SDK1: variants seen among roughly 807,000 people sequenced by gnomAD.
The protein encoded by SDK1 is sidekick cell adhesion molecule 1.
Under a neutral mutation model 245.5 loss-of-function variants are expected in SDK1, and 157 were observed. That is an observed-to-expected ratio of 0.64 (90% confidence interval 0.56 to 0.73). SDK1 has a LOEUF of 0.73. Ranked by LOEUF, SDK1 falls within the 30% of genes least tolerant of loss-of-function variation. The pLI, the probability that SDK1 is intolerant of heterozygous loss-of-function variation, is 0.00. For missense variants in SDK1, 3,583 were observed against 3,002.3 expected (o/e 1.19, Z -4.52); for synonymous variants, 1,647 against 1,278.5 (o/e 1.29, Z -6.15).
At chr7:4,145,145 C>T (rs1779872387) in intron 28 of SDK1, among the ~76,000 whole-genome samples, 1 of 152,124 alleles carries the variant, frequency 6.6e-6, no homozygotes, top group South Asian at 2.1e-4. Flanking sequence ...CAGAGCTGCC[C>T]TGGCGGAGCT....
chr7:3,672,688 A>G (rs912266024), intron 4 of SDK1, among the ~76,000 whole-genome samples: 1 of 137,806 alleles, frequency 7.3e-6, no homozygotes, highest in African/African-American at 2.7e-5. Flanking sequence ...TTATTAAATA[A>G]AATTTATATT....
chr7:3,780,949 A>G (rs1780714997), intron 4 of SDK1, among the ~76,000 whole-genome samples: 1 of 152,200 alleles, frequency 6.6e-6, no homozygotes, highest in East Asian at 1.9e-4. Context: ...TCAGCCCAAA[A>G]GCCCACCCAG....
rs1461952682 is a variant in SDK1, at chr7:3,491,395, G to A, written c.299-127685G>A. On this transcript the variant is annotated intron_variant, in intron 1 of 44. Transcript: ENST00000404826. ...TTTGCAAAGTTCCCAAACGATGTCA[G>A]TGTTTAGCCAAATATGAGACCCACT... Among the ~76,000 whole-genome samples, 7 of 152,254 alleles carry A rather than the reference G, an allele frequency of 4.6e-5. No individual in the cohort carries two copies. In the East Asian group the frequency reaches 5.8e-4, roughly 13 times the overall value.
intron 7 of SDK1, 73 bp downstream of exon 7, chr7:3,951,993 A>C: frequency 7.3e-7 from 1 of 1,375,102 alleles, no homozygotes; most frequent in South Asian, 1.3e-5. Context: ...CTGCAGAAAC[A>C]AAATAGCGTA....
At chr7:4,132,128 CTCAAGA>C (rs1302303548) in intron 27 of SDK1, among the ~76,000 whole-genome samples, 191 bp from the exon 28 acceptor site, 9 of 152,142 alleles carry the variant, frequency 5.9e-5, no homozygotes, top group African/African-American at 1.9e-4. Context: ...GAAGTGTTTG[CTCAAGA>C]TCCTTAGGGA....
chr7:3,950,403 TA>T (rs1410704246), intron 5 of SDK1, among the ~76,000 whole-genome samples: 2 of 152,232 alleles, frequency 1.3e-5, no homozygotes, highest in African/African-American at 4.8e-5. Flanking sequence ...TGGTTTCCAT[TA>T]CCCTCCGTCA....
intron 5 of SDK1, among the ~76,000 whole-genome samples, chr7:3,908,713 C>T (rs535249193): frequency 4.6e-5 from 7 of 152,240 alleles, no homozygotes; most frequent in Admixed American, 1.3e-4. Flanking sequence ...AAGGGGAAAT[C>T]ATCTTCTTTT....
intron 35 of SDK1, among the ~76,000 whole-genome samples, chr7:4,187,467 G>T (rs140877415): frequency 6.6e-6 from 1 of 152,172 alleles, no homozygotes. Flanking sequence ...ACCCTGCAGC[G>T]GTGACCAGAT....
intron 4 of SDK1, among the ~76,000 whole-genome samples, chr7:3,667,115 G>A (rs1783558781): frequency 6.6e-6 from 1 of 152,130 alleles, no homozygotes. Context: ...GTGACATATT[G>A]TAATATGTCT....
chr7:3,453,138 C>CT (rs1780567799), intron 1 of SDK1, among the ~76,000 whole-genome samples: 1 of 152,096 alleles, frequency 6.6e-6, no homozygotes, highest in African/African-American at 2.4e-5. Flanking sequence ...TAACCCCCCC[C>CT]GGTTTTCCAA....
chr7:3,424,836 G>T (rs1779632569), intron 1 of SDK1, among the ~76,000 whole-genome samples: 1 of 152,198 alleles, frequency 6.6e-6, no homozygotes. Flanking sequence ...AGTCAAGGCT[G>T]CAGTGAGCTA....
At chr7:4,020,713 A>AC (rs1049497500) in intron 17 of SDK1, among the ~76,000 whole-genome samples, 1 of 151,804 alleles carries the variant, frequency 6.6e-6, no homozygotes, top group Admixed American at 6.6e-5. Flanking sequence ...TGGATATGTG[A>AC]CCCCCAGAAA....
chr7:4,152,212 A>G (rs556993031), intron 30 of SDK1, among the ~76,000 whole-genome samples: 1 of 152,190 alleles, frequency 6.6e-6, no homozygotes, highest in Non-Finnish European at 1.5e-5. Flanking sequence ...ACTGTCCGCC[A>G]GGTTCCTGCC....
chr7:4,082,354 G>A (rs145248463), intron 22 of SDK1, among the ~76,000 whole-genome samples: 1,690 of 152,078 alleles, frequency 0.011, 23 homozygotes, highest in African/African-American at 0.027. Context: ...TGGCCAACAT[G>A]TGAAACCCCA....
intron 1 of SDK1, among the ~76,000 whole-genome samples, chr7:3,575,744 T>G (rs1780266552): frequency 1.3e-5 from 2 of 152,054 alleles, no homozygotes; most frequent in Non-Finnish European, 2.9e-5. Flanking sequence ...TCTCCCAGAT[T>G]TATGGGAATG....
intron 5 of SDK1, among the ~76,000 whole-genome samples, chr7:3,908,611 C>A (rs570948329): frequency 6.6e-6 from 1 of 152,064 alleles, no homozygotes; most frequent in African/African-American, 2.4e-5. Flanking sequence ...TTAAATATTC[C>A]GCAAGTACTC....
At chr7:4,147,775 G>C (rs974483500) in intron 29 of SDK1, among the ~76,000 whole-genome samples, 1 of 152,188 alleles carries the variant, frequency 6.6e-6, no homozygotes, top group Non-Finnish European at 1.5e-5. Context: ...AGGGCTGTCG[G>C]CTTCTCAGGA....
At chr7:3,459,700 T>G (rs1380584085) in intron 1 of SDK1, among the ~76,000 whole-genome samples, 1 of 152,218 alleles carries the variant, frequency 6.6e-6, no homozygotes, top group Non-Finnish European at 1.5e-5. Flanking sequence ...AAGACCTTGG[T>G]CACATGAACC....
At chr7:3,911,741 G>A (rs1215062962) in intron 5 of SDK1, among the ~76,000 whole-genome samples, 1 of 152,182 alleles carries the variant, frequency 6.6e-6, no homozygotes, top group East Asian at 1.9e-4. Flanking sequence ...ATTAGGTGTT[G>A]GAGGAGGGAG....
Sources: allele counts gnomAD v4.1 joint callset (sites outside exome capture counted in the v4.1 genomes callset), GRCh38; gene constraint gnomAD v4.1.1; transcripts MANE v1.5; gene names NCBI Gene and HGNC (gene_info 2026-07-23, HGNC 2026-07-21).